Variants in FOXP2 observed in about 807,000 individuals in gnomAD.
The protein encoded by FOXP2 is forkhead box P2.
In FOXP2, 12 loss-of-function variants were observed where a neutral mutation model predicts 115.8. The observed-to-expected ratio is 0.10, with a 90% CI of 0.07 to 0.17. FOXP2 has a LOEUF of 0.17. FOXP2 is among the 10% of genes least tolerant of loss of function. FOXP2 has a pLI of 1.00. For missense variants in FOXP2, 629 were observed against 843.5 expected, an observed-to-expected ratio of 0.75 and a Z score of 3.15; for synonymous variants, 328 against 297.7, an observed-to-expected ratio of 1.10 and a Z score of -1.05.
At chr7:114,303,076 A>C (rs1796914058) in intron 2 of FOXP2, among the ~76,000 whole-genome samples, 1 of 152,206 alleles carries the variant, frequency 6.6e-6, no homozygotes, top group Non-Finnish European at 1.5e-5. Context: ...CAGAAATTGC[A>C]GGGTAATAAA....
intron 2 of FOXP2, among the ~76,000 whole-genome samples, chr7:114,482,566 T>C (rs920416315): frequency 3.3e-5 from 5 of 151,564 alleles, no homozygotes; most frequent in Admixed American, 2.0e-4. Flanking sequence ...TCTCAGTAGT[T>C]TGTTTCTTTC....
intron 3 of FOXP2, among the ~76,000 whole-genome samples, chr7:114,563,986 T>C (rs1289794820): frequency 6.6e-6 from 1 of 152,146 alleles, no homozygotes; most frequent in Non-Finnish European, 1.5e-5. Flanking sequence ...GAAGTAACTG[T>C]CTAATGAATC....
intron 3 of FOXP2, among the ~76,000 whole-genome samples, chr7:114,549,279 T>C (rs1800086418): frequency 6.6e-6 from 1 of 152,110 alleles, no homozygotes; most frequent in African/African-American, 2.4e-5. Flanking sequence ...AGCCAGAAAG[T>C]TTTAGTACAT....
chr7:114,161,735 A>G (rs965585063), upstream of FOXP2, among the ~76,000 whole-genome samples: 2 of 152,056 alleles, frequency 1.3e-5, no homozygotes, highest in African/African-American at 4.8e-5. Context: ...TGACTTCAAG[A>G]TAAGGCAAGG....
chr7:114,165,853 C>T (rs1211443274), intron 1 of FOXP2, among the ~76,000 whole-genome samples: 1 of 152,096 alleles, frequency 6.6e-6, no homozygotes, highest in Non-Finnish European at 1.5e-5. Context: ...CTGACAGTCT[C>T]CAACTTTAAG....
At chr7:114,556,987 CCTA>C (rs1365994593) in intron 3 of FOXP2, among the ~76,000 whole-genome samples, 2 of 152,026 alleles carry the variant, frequency 1.3e-5, no homozygotes, top group Non-Finnish European at 2.9e-5. Context: ...TTTTATTCTG[CCTA>C]CTATATTATT....
chr7:114,641,866 T>C (rs906046721), intron 6 of FOXP2, among the ~76,000 whole-genome samples: 8 of 152,036 alleles, frequency 5.3e-5, no homozygotes, highest in Non-Finnish European at 1.2e-4. Context: ...AGTGCAGTGG[T>C]ACAATCTCAG....
chr7:114,219,991 T>A (rs979072647), intron 1 of FOXP2, among the ~76,000 whole-genome samples: 1 of 151,608 alleles, frequency 6.6e-6, no homozygotes, highest in African/African-American at 2.4e-5. Context: ...CTCAGCCTCC[T>A]GAGTAGCTGG....
intron 8 of FOXP2, among the ~76,000 whole-genome samples, chr7:114,649,409 G>A (rs944285917): frequency 2.0e-5 from 3 of 152,064 alleles, no homozygotes; most frequent in African/African-American, 7.2e-5. Context: ...CTTTGCATAT[G>A]CATTTTGAAA....
At chr7:114,143,147 C>CAATAATAATAATAAT (rs77761140) in intron 1 of FOXP2, among the ~76,000 whole-genome samples, 1 of 139,552 alleles carries the variant, frequency 7.2e-6, no homozygotes, top group Non-Finnish European at 1.5e-5. Context: ...GACCCTGTCT[C>CAATAATAATAATAAT]AATAATAATA....
At chr7:114,245,376 G>GT (rs1456027878) in intron 1 of FOXP2, among the ~76,000 whole-genome samples, 10 of 152,164 alleles carry the variant, frequency 6.6e-5, no homozygotes, top group Admixed American at 3.9e-4. Flanking sequence ...CACTTCAGCA[G>GT]TTTTTTTGTG....
intron 2 of FOXP2, among the ~76,000 whole-genome samples, chr7:114,318,140 T>G (rs554514957): frequency 6.6e-6 from 1 of 152,332 alleles, no homozygotes; most frequent in South Asian, 2.1e-4. Flanking sequence ...ATTTTCCAAT[T>G]TACTGTTCTA....
At chr7:114,464,820 AC>A (rs1346565657) in intron 2 of FOXP2, among the ~76,000 whole-genome samples, 1 of 152,226 alleles carries the variant, frequency 6.6e-6, no homozygotes, top group Non-Finnish European at 1.5e-5. Flanking sequence ...AACCAAACAA[AC>A]AAAAAACCTG....
chr7:114,242,704 A>T (rs1313034432), intron 1 of FOXP2, among the ~76,000 whole-genome samples: 3 of 152,204 alleles, frequency 2.0e-5, no homozygotes, highest in Non-Finnish European at 4.4e-5. Flanking sequence ...CTAGAAAGAA[A>T]TATGTAAAAG....
At chr7:114,572,712 T>C (rs1230733279) in intron 3 of FOXP2, among the ~76,000 whole-genome samples, 11 of 151,830 alleles carry the variant, frequency 7.2e-5, no homozygotes, top group Admixed American at 3.3e-4. Context: ...CTAATAGTGT[T>C]TGCTCTTTAT....
chr7:114,107,721 T>C (rs762009735), intron 1 of FOXP2, among the ~76,000 whole-genome samples: 1 of 151,970 alleles, frequency 6.6e-6, no homozygotes, highest in Non-Finnish European at 1.5e-5. Context: ...GTGGTTACTG[T>C]GTGTGGGTAG....
At chr7:114,396,402 G>A (rs1792741148) in intron 2 of FOXP2, among the ~76,000 whole-genome samples, 1 of 151,938 alleles carries the variant, frequency 6.6e-6, no homozygotes, top group Admixed American at 6.6e-5. Flanking sequence ...CCATTGATGG[G>A]CACTTTGGTT....
At chr7:114,579,663 C>G (rs1270883854) in intron 3 of FOXP2, among the ~76,000 whole-genome samples, 1 of 152,138 alleles carries the variant, frequency 6.6e-6, no homozygotes, top group African/African-American at 2.4e-5. Context: ...AATGCTTTTT[C>G]ACCAACACAG....
At chr7:114,423,851 C>T (rs1225971509) in intron 1 of FOXP2, among the ~76,000 whole-genome samples, 1 of 151,460 alleles carries the variant, frequency 6.6e-6, no homozygotes, top group Admixed American at 6.6e-5. Flanking sequence ...TTATAGTGAA[C>T]ATACTCCAAG....
Sources: allele counts gnomAD v4.1 joint callset (sites outside exome capture counted in the v4.1 genomes callset), GRCh38; gene constraint gnomAD v4.1.1; transcripts MANE v1.5; gene names NCBI Gene and HGNC (gene_info 2026-07-23, HGNC 2026-07-21).